CCDC30: variants seen among roughly 807,000 people sequenced by gnomAD.
The protein encoded by CCDC30 is coiled-coil domain-containing protein 30.
Under a neutral mutation model 100.2 loss-of-function variants are expected in CCDC30, and 70 were observed. The observed-to-expected ratio is 0.70, with a 90% confidence interval of 0.58 to 0.85. The LOEUF is 0.85. Ranked by LOEUF, CCDC30 falls within the 40% of genes least tolerant of loss-of-function variation. The probability of loss-of-function intolerance (pLI) is 0.00; values close to 1 mark genes in which losing one functional copy is unlikely to be tolerated. For missense variants in CCDC30, 652 were observed against 771.2 expected (o/e 0.85, Z 1.83); for synonymous variants, 233 against 269.5 (o/e 0.86, Z 1.33).
At chr1:42,539,109 T>G (rs1048819692) in intron 6 of CCDC30, 64 bp from the exon 8 acceptor site, 1 of 1,274,522 alleles carries the variant, frequency 7.8e-7, no homozygotes, top group African/African-American at 1.5e-5. Flanking sequence ...TTAAAAATAT[T>G]ATATCTTTTA....
At chr1:42,483,187 T>C (rs1020491254) in intron 3 of CCDC30, among the ~76,000 whole-genome samples, 1 of 152,246 alleles carries the variant, frequency 6.6e-6, no homozygotes, top group Admixed American at 6.5e-5. Context: ...TTGCTTCTCC[T>C]GCTCAGTCTT....
At chr1:42,613,517 G>C (rs1275527478) in intron 11 of CCDC30, among the ~76,000 whole-genome samples, 2 of 152,156 alleles carry the variant, frequency 1.3e-5, no homozygotes, top group Non-Finnish European at 2.9e-5. Context: ...GCCTCCCAAA[G>C]TGCTGGGATT....
rs1017974630 is a variant in CCDC30, at chr1:42,615,529, C to A, written c.1277+4439C>A. ...GGCTAGGCTGGTCTTGAGCTCCTGA[C>A]CTCAAATGATCCACCCGCCTCAGCC... On this transcript the variant is annotated intron_variant, in intron 11 of 16. Coordinates refer to ENST00000668663, the Ensembl canonical transcript of CCDC30. Among the ~76,000 whole-genome samples the A allele has an allele frequency of 8.5e-5, 13 of 152,064 alleles. 1 individual carries two copies. Among genetic ancestry groups the A allele is most frequent in the Non-Finnish European group, 1.6e-4 (11 of 67,994 alleles).
At chr1:42,560,096 G>T (rs1206600601) in intron 6 of CCDC30, among the ~76,000 whole-genome samples, 1 of 152,094 alleles carries the variant, frequency 6.6e-6, no homozygotes, top group Non-Finnish European at 1.5e-5. Context: ...AAACCAATGA[G>T]AACAAAGAGA....
intron 6 of CCDC30, among the ~76,000 whole-genome samples, chr1:42,562,743 A>C (rs1645518348): frequency 6.6e-6 from 1 of 152,210 alleles, no homozygotes; most frequent in African/African-American, 2.4e-5. Context: ...TCTACAAGGA[A>C]CTTAAACATA....
intron 4 of CCDC30, 38 bp from the exon 5 acceptor site, chr1:42,497,060 T>G: frequency 1.8e-6 from 2 of 1,123,376 alleles, no homozygotes; most frequent in Non-Finnish European, 2.3e-6. Context: ...ACTAAAACTT[T>G]GATCCAGTTG....
At chr1:42,518,027 A>G (rs781188796) in intron 6 of CCDC30, among the ~76,000 whole-genome samples, 70 of 152,094 alleles carry the variant, frequency 4.6e-4, no homozygotes, top group Non-Finnish European at 9.3e-4. Flanking sequence ...TGGAATTTTG[A>G]TAGGGATTAT....
At chr1:42,602,923 T>A (rs539729559) in intron 10 of CCDC30, among the ~76,000 whole-genome samples, 2 of 152,334 alleles carry the variant, frequency 1.3e-5, no homozygotes, top group South Asian at 4.1e-4. Context: ...CAAAGAATTA[T>A]GCACCATGAT....
Position 42,642,524 on chromosome 1 carries a change from GA to G in CCDC30, c.1477del (p.Arg493GlyfsTer8). ...TGCCCAAAATGATACCCTGCTTCTA[GA>G]AAAAAGGAAACTTCAGGAGCAAGTC... On this transcript the variant is annotated frameshift_variant, in exon 13 of 17. Transcript: ENST00000668663. LOFTEE classifies it high-confidence loss of function. The G allele has an allele frequency of 2.5e-6, 4 of 1,600,576 alleles. No homozygotes were observed. The highest frequency in any genetic ancestry group is 2.3e-5 in the South Asian group (2 of 87,844).
intron 6 of CCDC30, among the ~76,000 whole-genome samples, chr1:42,505,798 C>G (rs1644385684): frequency 6.6e-6 from 1 of 152,180 alleles, no homozygotes; most frequent in Non-Finnish European, 1.5e-5. Flanking sequence ...ACATTTTTTA[C>G]TGACCATAGG....
rs142143773 is a variant in CCDC30, at chr1:42,602,116, A to C, written c.1165-8862A>C. ...CAGTGAGCTCAAGACAGGGTATTTGAAAATATACAGAGGAGGAAAAAAATA... is the reference window on the plus strand; with the variant it reads ...CAGTGAGCTCAAGACAGGGTATTTGCAAATATACAGAGGAGGAAAAAAATA... On this transcript the variant is annotated intron_variant, in intron 10 of 16. Transcript: ENST00000668663. Among the ~76,000 whole-genome samples the C allele has an allele frequency of 7.1e-3, 1,078 of 152,300 alleles. 15 individuals carry two copies. The highest frequency in any genetic ancestry group is 0.024 in the African/African-American group (1,016 of 41,572).
At chr1:42,506,230 GTGT>G (rs1186230762) in intron 6 of CCDC30, among the ~76,000 whole-genome samples, 5 of 152,328 alleles carry the variant, frequency 3.3e-5, no homozygotes, top group African/African-American at 9.6e-5. Context: ...ACTTCTTTTA[GTGT>G]AGTTCATGCA....
intron 6 of CCDC30, among the ~76,000 whole-genome samples, chr1:42,547,580 G>A (rs1446842160): frequency 1.3e-5 from 2 of 152,142 alleles, no homozygotes; most frequent in Non-Finnish European, 2.9e-5. Flanking sequence ...AAAGATAATG[G>A]CCTTCCCTCT....
In CCDC30 at chr1:42,507,115, C is replaced by T. The variant is rs537038156; in HGVS notation, c.456+8199C>T. On this transcript the variant is annotated intron_variant, in intron 6 of 16. Transcript: ENST00000668663. ...GTAATTTTTGTATTTTTAGTAGAGA[C>T]GGGGTTTCACCGTGTTGTTCAGGCT... is the stretch of plus-strand genomic sequence containing the variant. 5.3e-5 allele frequency among the ~76,000 whole-genome samples: 8 copies of T among 152,014 alleles called. No homozygotes were observed. In the South Asian group the frequency reaches 6.2e-4, roughly 12 times the overall value.
chr1:42,603,191 C>G (rs1373758935), intron 10 of CCDC30, among the ~76,000 whole-genome samples: 2 of 152,164 alleles, frequency 1.3e-5, no homozygotes. Flanking sequence ...TGTCTGCTGT[C>G]TGCTTCCAAT....
At chr1:42,611,939 A>G (rs1646634358) in intron 11 of CCDC30, among the ~76,000 whole-genome samples, 2 of 152,188 alleles carry the variant, frequency 1.3e-5, no homozygotes, top group South Asian at 4.1e-4. Context: ...ATAGGCAGGC[A>G]TAAGCCACTG....
chr1:42,574,165 A>G (rs1469811487), intron 7 of CCDC30, among the ~76,000 whole-genome samples: 1 of 152,126 alleles, frequency 6.6e-6, no homozygotes, highest in African/African-American at 2.4e-5. Flanking sequence ...TCTGTCTTCT[A>G]GAAGAGTTTG....
At chr1:42,482,153 G>C (rs927274131) in intron 2 of CCDC30, among the ~76,000 whole-genome samples, 2 of 151,732 alleles carry the variant, frequency 1.3e-5, no homozygotes, top group African/African-American at 2.4e-5. Context: ...GGGAGGCGGA[G>C]GTTGCAGTTG....
At chr1:42,642,330 G>A in intron 12 of CCDC30, 143 bp from the exon 17 acceptor site, 1 of 586,676 alleles carries the variant, frequency 1.7e-6, no homozygotes, top group Non-Finnish European at 2.8e-6. Context: ...GACAATGTCA[G>A]CAAACAGATA....
Sources: allele counts gnomAD v4.1 joint callset (sites outside exome capture counted in the v4.1 genomes callset), GRCh38; gene constraint gnomAD v4.1.1; transcripts MANE v1.5; gene names NCBI Gene and HGNC (gene_info 2026-07-23, HGNC 2026-07-21).